DLGAP1: variants seen among roughly 807,000 people sequenced by gnomAD.
DLGAP1 encodes the protein disks large-associated protein 1.
In DLGAP1, 11 loss-of-function variants were observed where a neutral mutation model predicts 90.8. The ratio of observed to expected loss-of-function variants is 0.12; its 90% CI spans 0.08 to 0.20. The LOEUF is 0.20. DLGAP1 is among the 10% of genes least tolerant of loss of function. The probability of loss-of-function intolerance (pLI) is 1.00; values close to 1 mark genes in which losing one functional copy is unlikely to be tolerated. For synonymous variants in DLGAP1, 558 were observed against 540.7 expected, an observed-to-expected ratio of 1.03 and a Z score of -0.44; for missense variants, 1,050 against 1,333.8, an observed-to-expected ratio of 0.79 and a Z score of 3.31.
intron 10 of DLGAP1, among the ~76,000 whole-genome samples, chr18:3,520,148 C>T (rs930258318): frequency 2.6e-5 from 4 of 152,106 alleles, no homozygotes; most frequent in Non-Finnish European, 5.9e-5. Flanking sequence ...CTTCCCCCAC[C>T]AATTCCCTAA....
rs556602411 is a variant in DLGAP1, at chr18:4,089,981, T to C, written c.-159+61199A>G. 2.0e-3 allele frequency among the ~76,000 whole-genome samples: 310 copies of C among 151,664 alleles called. 1 individual carries two copies. The highest frequency in any genetic ancestry group is 3.1e-3 in the Non-Finnish European group (212 of 67,868). ...AATGGCGTGAACCCGGGAGGCGGAG[T>C]TTGCAGTGAGCCAAGATCGCGCCGC... On this transcript the variant is annotated intron_variant, in intron 2 of 12. Coordinates refer to ENST00000315677, the MANE Select transcript of DLGAP1 (RefSeq NM_004746.4).
At chr18:3,651,968 C>CAA (rs1404175143) in intron 7 of DLGAP1, among the ~76,000 whole-genome samples, 2 of 148,090 alleles carry the variant, frequency 1.4e-5, no homozygotes, top group African/African-American at 5.0e-5. Flanking sequence ...AAGACTGTCT[C>CAA]AAACACAACA....
chr18:4,050,002 C>G (rs898702246), intron 2 of DLGAP1, among the ~76,000 whole-genome samples: 1 of 152,184 alleles, frequency 6.6e-6, no homozygotes, highest in Non-Finnish European at 1.5e-5. Context: ...GGAACTTACT[C>G]TTTGCCAGCC....
chr18:4,364,173 A>G (rs550115335), intron 1 of DLGAP1, among the ~76,000 whole-genome samples: 52 of 147,250 alleles, frequency 3.5e-4, no homozygotes, highest in Admixed American at 1.1e-3. Context: ...ACCAAACACC[A>G]TATGTTCTCA....
At chr18:4,381,178 C>T (rs1444184566) in intron 1 of DLGAP1, among the ~76,000 whole-genome samples, 1 of 152,112 alleles carries the variant, frequency 6.6e-6, no homozygotes, top group Non-Finnish European at 1.5e-5. Context: ...CTTTTGCTCC[C>T]TAAAGCCTAG....
chr18:4,070,351 G>T (rs1394931130), intron 2 of DLGAP1, among the ~76,000 whole-genome samples: 3 of 151,962 alleles, frequency 2.0e-5, no homozygotes, highest in Middle Eastern at 3.2e-3. Flanking sequence ...TACCTCCACA[G>T]AAATCTTTTT....
intron 3 of DLGAP1, among the ~76,000 whole-genome samples, chr18:3,919,215 A>G (rs983327739): frequency 3.9e-5 from 6 of 152,176 alleles, no homozygotes; most frequent in African/African-American, 1.4e-4. Flanking sequence ...TGAAATTCAC[A>G]CACTTCGAAT....
At chr18:3,550,726 A>G (rs144016400) in intron 9 of DLGAP1, among the ~76,000 whole-genome samples, 1,608 of 144,654 alleles carry the variant, frequency 0.011, 30 homozygotes, top group African/African-American at 0.039. Flanking sequence ...TTGATCCAGA[A>G]CCAGACCCTT....
chr18:4,115,791 A>G (rs2144052892), intron 2 of DLGAP1, among the ~76,000 whole-genome samples: 1 of 152,306 alleles, frequency 6.6e-6, no homozygotes, highest in East Asian at 1.9e-4. Context: ...TTACTGTGAT[A>G]TAGTTTTGCT....
chr18:3,951,595 A>G (rs1323028703), intron 3 of DLGAP1, among the ~76,000 whole-genome samples: 1 of 152,178 alleles, frequency 6.6e-6, no homozygotes, highest in Non-Finnish European at 1.5e-5. Context: ...TTGGCCTATT[A>G]TATGGTTTGG....
intron 3 of DLGAP1, among the ~76,000 whole-genome samples, chr18:3,994,499 C>G (rs977283532): frequency 3.9e-5 from 6 of 152,186 alleles, no homozygotes; most frequent in African/African-American, 1.2e-4. Context: ...TTCTGACTGA[C>G]AGAGTGCGGC....
Position 3,879,397 on chromosome 18 carries a change from C to A in DLGAP1, c.672G>T (p.Met224Ile). 1 of 1,612,906 alleles carries A rather than the reference C, an allele frequency of 6.2e-7. No homozygotes were observed. The highest frequency in any genetic ancestry group is 8.5e-7 in the Non-Finnish European group (1 of 1,179,974). ...AGGCCGAGCGGTCGGGGCACCTGCCCATGGTCATCACGCCCGAGGGGGCGT... is the reference window on the plus strand; with the variant it reads ...AGGCCGAGCGGTCGGGGCACCTGCCAATGGTCATCACGCCCGAGGGGGCGT... ...IYHAPSGVMT[M>I]GRCPDRSASQ... The change falls in exon 4 of 13, where the codon ATG (methionine) becomes ATT (isoleucine). Residue 224 changes from methionine to isoleucine, a missense_variant. Transcript: ENST00000315677. The surrounding 1 kb of genome is among the most constrained non-coding windows in gnomAD (Gnocchi z 6.6).
At chr18:3,580,076 T>C (rs1222102891) in intron 8 of DLGAP1, 1 of 758,516 alleles carries the variant, frequency 1.3e-6, no homozygotes. Flanking sequence ...ATTGTGTTCA[T>C]GTTCTTTGAA....
intron 12 of DLGAP1, chr18:3,502,237 GT>G: frequency 7.4e-7 from 1 of 1,351,414 alleles, no homozygotes; most frequent in Non-Finnish European, 9.5e-7. Flanking sequence ...TTAACTTAAA[GT>G]TTAATTAACA....
rs1598348759 is a variant in DLGAP1, at chr18:4,394,887, A to G, written c.-267+60119T>C. On this transcript the variant is annotated intron_variant, in intron 1 of 12. Coordinates refer to ENST00000315677, the MANE Select transcript of DLGAP1 (RefSeq NM_004746.4). ...AAATAAGGCATGCTCAGCCTGCACA[A>G]GTGAACATGAGACAGCTCAGGAATA... is the stretch of plus-strand genomic sequence containing the variant. 3.3e-5 allele frequency among the ~76,000 whole-genome samples: 5 copies of G among 152,344 alleles called. 1 individual carries two copies. The highest frequency in any genetic ancestry group is 3.3e-4 in the Admixed American group (5 of 15,298).
At chr18:4,156,379 T>C (rs941239089) in intron 1 of DLGAP1, among the ~76,000 whole-genome samples, 1 of 152,220 alleles carries the variant, frequency 6.6e-6, no homozygotes, top group Non-Finnish European at 1.5e-5. Flanking sequence ...ATATATGTAA[T>C]GCACAGTACC....
At chr18:4,123,848 G>C (rs992807342) in intron 2 of DLGAP1, among the ~76,000 whole-genome samples, 10 of 152,146 alleles carry the variant, frequency 6.6e-5, no homozygotes, top group African/African-American at 2.4e-4. Context: ...CCCTGGAGGG[G>C]TTAAAATGCA....
At chr18:4,394,129 T>A (rs182380011) in intron 1 of DLGAP1, among the ~76,000 whole-genome samples, 19 of 152,206 alleles carry the variant, frequency 1.2e-4, no homozygotes, top group Admixed American at 9.8e-4. Flanking sequence ...TGGCTAAACA[T>A]AATAAGGTGA....
At chr18:4,241,861 T>C (rs1216220821) in intron 1 of DLGAP1, among the ~76,000 whole-genome samples, 1 of 152,212 alleles carries the variant, frequency 6.6e-6, no homozygotes, top group Non-Finnish European at 1.5e-5. Context: ...TTCCTTATCA[T>C]TAGTTTTCTA....
Sources: gnomAD v4.1 joint callset for allele counts (sites outside exome capture counted in the v4.1 genomes callset) on GRCh38, gnomAD v4.1.1 for gene constraint, Gnocchi (gnomAD v3.1) non-coding constraint, MANE v1.5 for transcripts, NCBI Gene and HGNC (gene_info 2026-07-23, HGNC 2026-07-21) for gene names.